Variants in ANO4 observed in about 807,000 individuals in gnomAD.
The protein encoded by ANO4 is anoctamin-4.
In ANO4, 69 loss-of-function variants were observed where a neutral mutation model predicts 141.9. The ratio of observed to expected loss-of-function variants is 0.49; its 90% CI spans 0.40 to 0.59. The LOEUF (loss-of-function observed/expected upper bound fraction) is 0.59. ANO4 is among the 20% of genes least tolerant of loss of function. The pLI is 0.00. For synonymous variants in ANO4, 350 were observed against 394.3 expected (o/e 0.89, Z 1.33); for missense variants, 894 against 1,162.2 (o/e 0.77, Z 3.36).
At chr12:100,748,047 T>C (rs2032193560) in intron 3 of ANO4, among the ~76,000 whole-genome samples, 1 of 152,144 alleles carries the variant, frequency 6.6e-6, no homozygotes, top group South Asian at 2.1e-4. Context: ...TGGTGTCTTA[T>C]ATTGACGGGG....
chr12:100,888,189 T>G (rs1284770686), intron 1 of ANO4, among the ~76,000 whole-genome samples: 3 of 151,710 alleles, frequency 2.0e-5, no homozygotes, highest in African/African-American at 7.3e-5. Context: ...TACAAGGAGG[T>G]TTTCAGTATG....
At chr12:100,883,127 G>C (rs575708228) in intron 1 of ANO4, among the ~76,000 whole-genome samples, 1 of 152,190 alleles carries the variant, frequency 6.6e-6, no homozygotes, top group Admixed American at 6.5e-5. Flanking sequence ...GAGGAGATAA[G>C]TACAAAAGTC....
At chr12:100,904,105 T>C (rs1161813502) in intron 2 of ANO4, among the ~76,000 whole-genome samples, 1 of 152,222 alleles carries the variant, frequency 6.6e-6, no homozygotes. Context: ...TTATTTATCT[T>C]TGTACTCCCA....
intron 3 of ANO4, among the ~76,000 whole-genome samples, chr12:100,775,455 G>A (rs2033468040): frequency 6.6e-6 from 1 of 152,092 alleles, no homozygotes; most frequent in South Asian, 2.1e-4. Flanking sequence ...GAATATAAAC[G>A]ATACCTGATA....
At chr12:100,987,475 C>G in intron 7 of ANO4, 64 bp from the exon 8 acceptor site, 1 of 1,581,558 alleles carries the variant, frequency 6.3e-7, no homozygotes, top group Non-Finnish European at 8.6e-7. Context: ...GGAGACCTTC[C>G]TCCTGTGTTT....
chr12:100,922,214 T>C lies in ANO4; in HGVS notation c.56-12T>C. 6.6e-7 allele frequency: 1 copy of C among 1,522,348 alleles called. No homozygotes were observed. 94.3% of individuals were successfully genotyped at this position (1,522,348 alleles called of 1,614,324 possible). ...CCAGTGCAAACTCCATGAATATCTTTCATTTCTCTAGAAGGAGGTGTGGAT... is the reference window on the plus strand; with the variant it reads ...CCAGTGCAAACTCCATGAATATCTTCCATTTCTCTAGAAGGAGGTGTGGAT... On this transcript the variant is annotated splice_polypyrimidine_tract_variant and intron_variant, in intron 2 of 27. Transcript: ENST00000392977.
At chr12:100,777,919 AT>A (rs373496240) in intron 3 of ANO4, among the ~76,000 whole-genome samples, 8,777 of 134,846 alleles carry the variant, frequency 0.065, 274 homozygotes, top group East Asian at 0.098. Flanking sequence ...AATGCTTACA[AT>A]TTTTTTTTTT....
intron 3 of ANO4, among the ~76,000 whole-genome samples, chr12:100,759,768 C>G (rs1244733584): frequency 6.6e-6 from 1 of 152,202 alleles, no homozygotes; most frequent in East Asian, 1.9e-4. Context: ...ATGGAACACC[C>G]AGTGTCTATT....
At chr12:100,835,533 G>GT (rs970584800) in intron 1 of ANO4, among the ~76,000 whole-genome samples, 28 of 152,210 alleles carry the variant, frequency 1.8e-4, no homozygotes, top group Non-Finnish European at 2.8e-4. Context: ...TACTATAAAA[G>GT]TTTTTTGAGA....
At chr12:101,076,660 G>A (rs753653247) in intron 14 of ANO4, among the ~76,000 whole-genome samples, 16 of 152,188 alleles carry the variant, frequency 1.1e-4, no homozygotes, top group African/African-American at 1.9e-4. Flanking sequence ...CAGACTGGAT[G>A]TGAATCCTAT....
At chr12:100,754,051 A>T (rs1593273174) in intron 3 of ANO4, among the ~76,000 whole-genome samples, 2 of 152,190 alleles carry the variant, frequency 1.3e-5, no homozygotes. Flanking sequence ...CCATTATTCA[A>T]CCAGACACTG....
chr12:100,800,696 A>T (rs1404563199), intron 1 of ANO4, among the ~76,000 whole-genome samples: 3 of 152,226 alleles, frequency 2.0e-5, no homozygotes, highest in Admixed American at 6.5e-5. Flanking sequence ...GTTTCCTAGA[A>T]TCTTAAACTG....
upstream of ANO4, among the ~76,000 whole-genome samples, chr12:100,793,893 C>T (rs1467956846): frequency 6.6e-6 from 1 of 152,184 alleles, no homozygotes; most frequent in Non-Finnish European, 1.5e-5. Flanking sequence ...CTTCATTTAT[C>T]ACCAAGAGAT....
chr12:100,742,179 A>G (rs1397293130), intron 3 of ANO4, among the ~76,000 whole-genome samples: 1 of 152,262 alleles, frequency 6.6e-6, no homozygotes, highest in South Asian at 2.1e-4. Flanking sequence ...TATATACTAC[A>G]CAAGCATGTG....
chr12:100,789,979 G>A (rs934555794), upstream of ANO4, among the ~76,000 whole-genome samples: 24 of 152,186 alleles, frequency 1.6e-4, no homozygotes, highest in South Asian at 4.1e-4. Flanking sequence ...AGGAAGAAGC[G>A]ATTAAGTAAG....
At chr12:100,755,343 T>G (rs1250681335) in intron 3 of ANO4, among the ~76,000 whole-genome samples, 2 of 152,152 alleles carry the variant, frequency 1.3e-5, no homozygotes, top group African/African-American at 4.8e-5. Flanking sequence ...CTCAAGGGCT[T>G]CCTCATACCC....
intron 17 of ANO4, among the ~76,000 whole-genome samples, chr12:101,089,111 A>T (rs902227734): frequency 6.6e-6 from 1 of 152,138 alleles, no homozygotes; most frequent in African/African-American, 2.4e-5. Flanking sequence ...TAATACTATT[A>T]TCCATACAGG....
At chr12:100,830,160 G>T (rs191328658) in intron 1 of ANO4, among the ~76,000 whole-genome samples, 1 of 152,192 alleles carries the variant, frequency 6.6e-6, no homozygotes, top group African/African-American at 2.4e-5. Context: ...TTCTCCAAAT[G>T]GGAGATGGTT....
intron 24 of ANO4, among the ~76,000 whole-genome samples, chr12:101,113,247 T>C (rs1423185023): frequency 6.6e-6 from 1 of 152,210 alleles, no homozygotes; most frequent in Non-Finnish European, 1.5e-5. Context: ...GTAATGGTGT[T>C]TCAGTTCTTT....
Sources: allele counts gnomAD v4.1 joint callset (sites outside exome capture counted in the v4.1 genomes callset), GRCh38; gene constraint gnomAD v4.1.1; transcripts MANE v1.5; gene names NCBI Gene and HGNC (gene_info 2026-07-23, HGNC 2026-07-21).